The following TVP23B variants were observed in gnomAD, a reference collection of about 807,000 sequenced individuals.
TVP23B encodes trans-golgi network vesicle protein 23 homolog B, also known as Golgi apparatus membrane protein TVP23 homolog B.
In TVP23B, 10 loss-of-function variants were observed where a neutral mutation model predicts 30.6. The observed-to-expected ratio is 0.33, with a 90% CI of 0.20 to 0.55. TVP23B has a LOEUF of 0.55. Among genes scored for constraint, TVP23B ranks in the 20% least tolerant of loss-of-function variants. TVP23B has a pLI of 0.91. For missense variants in TVP23B, 153 were observed against 243.2 expected, an observed-to-expected ratio of 0.63 and a Z score of 2.47; for synonymous variants, 67 against 83.1, an observed-to-expected ratio of 0.81 and a Z score of 1.06.
intron 1 of TVP23B, among the ~76,000 whole-genome samples, chr17:18,788,288 G>A (rs1000587913): frequency 4.4e-4 from 54 of 123,768 alleles, no homozygotes; most frequent in Admixed American, 4.1e-4. Flanking sequence ...TTGAGGCCAC[G>A]CCACTGCACT....
chr17:18,802,184 C>T (rs542230988), intron 5 of TVP23B, among the ~76,000 whole-genome samples: 49 of 152,034 alleles, frequency 3.2e-4, no homozygotes, highest in African/African-American at 7.0e-4. Flanking sequence ...ATCGTGCCAC[C>T]GCACTCCAGC....
intron 5 of TVP23B, among the ~76,000 whole-genome samples, chr17:18,801,627 C>A (rs2151851770): frequency 6.6e-6 from 1 of 152,038 alleles, no homozygotes; most frequent in East Asian, 1.9e-4. Flanking sequence ...TGCTGGTTGG[C>A]TGTGCACTCT....
At chr17:18,802,106 C>G (rs2036176901) in intron 5 of TVP23B, among the ~76,000 whole-genome samples, 1 of 152,090 alleles carries the variant, frequency 6.6e-6, no homozygotes, top group African/African-American at 2.4e-5. Flanking sequence ...CCTGTAGTCC[C>G]AGTTACTCGG....
intron 3 of TVP23B, among the ~76,000 whole-genome samples, chr17:18,792,118 C>CAA (rs2036005733): frequency 6.6e-6 from 1 of 151,846 alleles, no homozygotes; most frequent in Non-Finnish European, 1.5e-5. Flanking sequence ...ACCGCAACCT[C>CAA]TGCCTCCTGG....
At chr17:18,784,145 A>AAAACAAAC (rs113876902) in intron 1 of TVP23B, among the ~76,000 whole-genome samples, 47,534 of 150,776 alleles carry the variant, frequency 0.32, 7,342 homozygotes, top group Non-Finnish European at 0.38. Context: ...ACTCCGTCTC[A>AAAACAAAC]AAACAAACAA....
At chr17:18,804,752 C>A in intron 6 of TVP23B, 1 of 453,106 alleles carries the variant, frequency 2.2e-6, no homozygotes, top group Non-Finnish European at 3.0e-6. Flanking sequence ...CCACGCCCAG[C>A]TAATTTTTTG....
chr17:18,791,123 G>T, intron 3 of TVP23B, 83 bp downstream of exon 3: 3 of 1,272,082 alleles, frequency 2.4e-6, no homozygotes, highest in Non-Finnish European at 3.0e-6. Flanking sequence ...TTGCATTATT[G>T]TTAATCTTTT....
At chr17:18,787,737 A>G (rs2151844197) in intron 1 of TVP23B, among the ~76,000 whole-genome samples, 1 of 152,270 alleles carries the variant, frequency 6.6e-6, no homozygotes, top group African/African-American at 2.4e-5. Context: ...AGTGCTCAAC[A>G]GTGCTCAATG....
Position 18,798,907 on chromosome 17 carries a change from T to C in TVP23B, c.426T>C (p.Ala142=), listed in dbSNP as rs8080471. ...IACPVLWVIF[A]FSALFSFRVK... The stretch of plus-strand genomic sequence containing the variant: ...GTCCAGTACTGTGGGTGATATTTGC[T>C]TTTAGTGCACTCTTCTCCTTCAGAG... Residue 142 remains alanine, a synonymous_variant, in exon 5 of 7, where the codon GCT becomes GCC. Transcript: ENST00000307767. 1,115,702 of 1,612,150 alleles carry C rather than the reference T, an allele frequency of 0.69. 387,735 individuals are homozygous for C. The highest frequency in any genetic ancestry group is 0.78 in the East Asian group (34,817 of 44,764).
intron 6 of TVP23B, 61 bp downstream of exon 6, chr17:18,804,327 A>G (rs758484733): frequency 1.3e-6 from 2 of 1,543,010 alleles, no homozygotes; most frequent in African/African-American, 2.8e-5. Context: ...TCATAGTTTA[A>G]TTTTTATGAA....
intron 1 of TVP23B, among the ~76,000 whole-genome samples, chr17:18,788,145 C>T (rs1479025039): frequency 2.6e-5 from 4 of 151,398 alleles, no homozygotes; most frequent in African/African-American, 4.9e-5. Context: ...CTGGTTAACA[C>T]GGTGAAACCT....
chr17:18,804,112 A>C (rs756302966), intron 5 of TVP23B, 26 bp from the exon 6 acceptor site: 9 of 1,612,532 alleles, frequency 5.6e-6, no homozygotes, highest in Non-Finnish European at 7.6e-6. Context: ...GCCAGTAACC[A>C]TTGATTATTT....
Position 18,790,911 on chromosome 17 carries a change from G to A in TVP23B, c.111G>A (p.Ser37=), listed in dbSNP as rs764086111. ...TGGTTTTCAGACATCCAGTAGCATC[G>A]TTTTTCCACTTATTCTTTCGAGTCA... is the stretch of plus-strand genomic sequence containing the variant. ...RKAKIRHPVA[S]FFHLFFRVSA... Residue 37 remains serine, a synonymous_variant, in exon 3 of 7, where the codon TCG becomes TCA. Transcript: ENST00000307767. The A allele has an allele frequency of 1.4e-5, 23 of 1,609,590 alleles. No individual in the cohort carries two copies. The highest frequency in any genetic ancestry group is 4.5e-5 in the East Asian group (2 of 44,742).
At chr17:18,785,385 C>CTTTTT (rs61537943) in intron 1 of TVP23B, among the ~76,000 whole-genome samples, 7 of 137,804 alleles carry the variant, frequency 5.1e-5, no homozygotes, top group African/African-American at 8.2e-5. Context: ...AGCTATTTGT[C>CTTTTT]TTTTTTTTTT....
chr17:18,804,840 G>A (rs1488699943), intron 6 of TVP23B, among the ~76,000 whole-genome samples: 1 of 151,904 alleles, frequency 6.6e-6, no homozygotes, highest in Non-Finnish European at 1.5e-5. Context: ...TGCCTACCTC[G>A]GCCTCCCAAA....
chr17:18,802,269 A>G (rs1369517608), intron 5 of TVP23B, among the ~76,000 whole-genome samples: 1 of 152,162 alleles, frequency 6.6e-6, no homozygotes, highest in African/African-American at 2.4e-5. Context: ...TTAAGACCAC[A>G]GGACGGGAAT....
intron 5 of TVP23B, among the ~76,000 whole-genome samples, chr17:18,802,439 C>G (rs541579963): frequency 5.7e-4 from 86 of 151,910 alleles, no homozygotes; most frequent in Non-Finnish European, 7.1e-4. Context: ...CTGTTTGGGT[C>G]ATTGTTAGTT....
intron 3 of TVP23B, chr17:18,797,032 T>A (rs1005290242): frequency 6.4e-6 from 1 of 155,622 alleles, no homozygotes; most frequent in Non-Finnish European, 1.4e-5. Context: ...GAGGAAGGAG[T>A]TGGTATCTGT....
intron 6 of TVP23B, among the ~76,000 whole-genome samples, chr17:18,805,283 A>T (rs865821420): frequency 6.6e-6 from 1 of 151,522 alleles, no homozygotes; most frequent in Non-Finnish European, 1.5e-5. Flanking sequence ...ACGGGGTTTC[A>T]CCGTGTTAGC....
Sources: gnomAD v4.1 joint callset for allele counts (sites outside exome capture counted in the v4.1 genomes callset) on GRCh38, gnomAD v4.1.1 for gene constraint, MANE v1.5 for transcripts, NCBI Gene and HGNC (gene_info 2026-07-23, HGNC 2026-07-21) for gene names.